The following KIAA1217 variants were observed in gnomAD, a reference collection of about 807,000 sequenced individuals.
KIAA1217 encodes sickle tail protein homolog.
KIAA1217 carries 88 observed loss-of-function variants against 163.9 expected under a neutral mutation model. That is an observed-to-expected ratio of 0.54 (90% confidence interval 0.45 to 0.64). KIAA1217 has a LOEUF of 0.64. Ranked by LOEUF, KIAA1217 falls within the 30% of genes least tolerant of loss-of-function variation. KIAA1217 has a pLI of 0.00. For missense variants in KIAA1217, 2,372 were observed against 2,475.0 expected, an observed-to-expected ratio of 0.96 and a Z score of 0.88; for synonymous variants, 903 against 923.1, an observed-to-expected ratio of 0.98 and a Z score of 0.39.
chr10:24,484,824 C>T (rs552801428), intron 6 of KIAA1217, among the ~76,000 whole-genome samples: 17 of 152,266 alleles, frequency 1.1e-4, no homozygotes, highest in South Asian at 1.0e-3. Flanking sequence ...GACATAAAAC[C>T]ATGAAGCCAT....
chr10:23,847,223 T>A (rs1404948614), intron 1 of KIAA1217, among the ~76,000 whole-genome samples: 1 of 152,142 alleles, frequency 6.6e-6, no homozygotes, highest in Admixed American at 6.5e-5. Flanking sequence ...CTGTCAGGTT[T>A]TGGTAACAGG....
chr10:23,921,650 C>A (rs781714813), intron 1 of KIAA1217, among the ~76,000 whole-genome samples: 9 of 152,146 alleles, frequency 5.9e-5, no homozygotes, highest in Non-Finnish European at 1.2e-4. Flanking sequence ...ATTCTTTCTG[C>A]AGGCCCATGA....
chr10:23,934,577 A>ATATGTGTATATATATATG lies in KIAA1217; in HGVS notation c.-320-72645_-320-72644insGTGTATATATATATGTAT, dbSNP rs1843413371. On this transcript the variant is annotated intron_variant, in intron 1 of 18. Transcript: ENST00000376462. The stretch of plus-strand genomic sequence containing the variant: ...TTAAAGTATATATATATATATATAT[A>ATATGTGTATATATATATG]TATATATATATATGTATATATATAT... Among the ~76,000 whole-genome samples the ATATGTGTATATATATATG allele has an allele frequency of 4.5e-4, 26 of 57,910 alleles. No homozygotes were observed. In the African/African-American group the frequency reaches 4.7e-3, roughly 10 times the overall value. The allele number at this position is 57,910 out of a possible 152,430, so 38.0% of individuals were successfully genotyped here. A position where few individuals can be genotyped will look rare whatever the true frequency, so the allele number is the denominator to read the frequency against.
chr10:24,027,273 G>T (rs1256489895), intron 2 of KIAA1217, among the ~76,000 whole-genome samples: 1 of 152,106 alleles, frequency 6.6e-6, no homozygotes, highest in Non-Finnish European at 1.5e-5. Context: ...AAACTCTTCA[G>T]ATGGTGACCT....
chr10:24,456,518 T>C (rs1223211554), intron 5 of KIAA1217, among the ~76,000 whole-genome samples: 1 of 152,062 alleles, frequency 6.6e-6, no homozygotes, highest in Non-Finnish European at 1.5e-5. Flanking sequence ...AGTAAGCAGC[T>C]GAATCAGGGG....
At chr10:23,880,361 A>G (rs1206096254) in intron 1 of KIAA1217, among the ~76,000 whole-genome samples, 1 of 151,930 alleles carries the variant, frequency 6.6e-6, no homozygotes. Context: ...AAAGACGAAC[A>G]TCACCTGTTC....
At chr10:24,328,307 C>T (rs1234956335) in intron 2 of KIAA1217, among the ~76,000 whole-genome samples, 1 of 151,978 alleles carries the variant, frequency 6.6e-6, no homozygotes, top group Non-Finnish European at 1.5e-5. Flanking sequence ...GGGAGTTGGT[C>T]AACAGGAAGC....
At chr10:24,372,835 G>T (rs540629970) in intron 2 of KIAA1217, among the ~76,000 whole-genome samples, 4 of 152,070 alleles carry the variant, frequency 2.6e-5, no homozygotes, top group Non-Finnish European at 5.9e-5. Flanking sequence ...CCTCCAAATT[G>T]TTTCAAGATT....
chr10:24,393,449 A>G (rs1039114729), intron 3 of KIAA1217, among the ~76,000 whole-genome samples: 1 of 152,058 alleles, frequency 6.6e-6, no homozygotes, highest in Non-Finnish European at 1.5e-5. Context: ...AGCTGCTTTC[A>G]TGCAGGACAG....
Position 24,538,149 on chromosome 10 carries a change from G to C in KIAA1217, c.3534+1256G>C, listed in dbSNP as rs535940434. 2.6e-5 allele frequency among the ~76,000 whole-genome samples: 4 copies of C among 152,296 alleles called. No homozygotes were observed. The Middle Eastern group carries it at 0.014, about 518-fold the overall frequency. Reference sequence around the variant, plus strand: ...ACGACAGCTCAAGGAGGTAGATGTAGTATCACAAAACTGAAAGGCTATTCT... The same window carrying C: ...ACGACAGCTCAAGGAGGTAGATGTACTATCACAAAACTGAAAGGCTATTCT... On this transcript the variant is annotated intron_variant, in intron 17 of 20. Transcript: ENST00000376454.
chr10:24,123,734 A>T (rs781098130), intron 2 of KIAA1217, among the ~76,000 whole-genome samples: 1 of 152,214 alleles, frequency 6.6e-6, no homozygotes, highest in Non-Finnish European at 1.5e-5. Flanking sequence ...AAAGCTCCCC[A>T]GGTGACTGTA....
intron 2 of KIAA1217, among the ~76,000 whole-genome samples, chr10:24,349,132 CAAAAA>C (rs11318554): frequency 1.9e-5 from 2 of 105,540 alleles, no homozygotes; most frequent in Admixed American, 1.0e-4. Flanking sequence ...GACCCTGTCT[CAAAAA>C]AAAAAAAAAA....
At chr10:23,881,445 C>A (rs965350584) in intron 1 of KIAA1217, among the ~76,000 whole-genome samples, 5 of 151,918 alleles carry the variant, frequency 3.3e-5, no homozygotes, top group African/African-American at 9.7e-5. Flanking sequence ...TGCTTCTTTG[C>A]AACCTCAGTA....
intron 1 of KIAA1217, among the ~76,000 whole-genome samples, chr10:23,893,833 A>T (rs1169832379): frequency 6.6e-6 from 1 of 152,118 alleles, no homozygotes; most frequent in Non-Finnish European, 1.5e-5. Flanking sequence ...GGCTGGTTCA[A>T]TATACGCAAA....
At chr10:24,213,641 C>T (rs1201246772) in intron 1 of KIAA1217, among the ~76,000 whole-genome samples, 1 of 152,144 alleles carries the variant, frequency 6.6e-6, no homozygotes, top group Non-Finnish European at 1.5e-5. Flanking sequence ...CACTGTATCT[C>T]CTAACTCCTT....
At chr10:24,089,968 A>G (rs1282486626) in intron 2 of KIAA1217, among the ~76,000 whole-genome samples, 2 of 151,704 alleles carry the variant, frequency 1.3e-5, no homozygotes, top group Non-Finnish European at 2.9e-5. Flanking sequence ...GAACCAAAAA[A>G]GGTCCTGCAT....
intron 3 of KIAA1217, among the ~76,000 whole-genome samples, chr10:24,417,100 C>T (rs1459753101): frequency 6.6e-6 from 1 of 152,048 alleles, no homozygotes; most frequent in Non-Finnish European, 1.5e-5. Context: ...AGAGATACAG[C>T]GAGTCTTTTG....
intron 1 of KIAA1217, among the ~76,000 whole-genome samples, chr10:23,981,450 T>G (rs1845761963): frequency 6.6e-6 from 1 of 152,208 alleles, no homozygotes; most frequent in African/African-American, 2.4e-5. Flanking sequence ...ATTTTTAACA[T>G]AAAGAAGCTA....
At chr10:24,465,379 T>G (rs2132734257) in intron 5 of KIAA1217, among the ~76,000 whole-genome samples, 1 of 152,330 alleles carries the variant, frequency 6.6e-6, no homozygotes, top group Admixed American at 6.5e-5. Context: ...AGTAAACAGT[T>G]TTTTTAGAAA....
Sources: allele counts gnomAD v4.1 joint callset (sites outside exome capture counted in the v4.1 genomes callset), GRCh38; gene constraint gnomAD v4.1.1; transcripts MANE v1.5; gene names NCBI Gene and HGNC (gene_info 2026-07-23, HGNC 2026-07-21).